Variants in TMEM39A observed in about 807,000 individuals in gnomAD.
TMEM39A encodes transmembrane protein 39A.
Under a neutral mutation model 51.9 loss-of-function variants are expected in TMEM39A, and 19 were observed. That is an observed-to-expected ratio of 0.37 (90% CI 0.26 to 0.54). The LOEUF (loss-of-function observed/expected upper bound fraction) is 0.54, where lower values mean the gene tolerates loss of function less well. Ranked by LOEUF, TMEM39A falls within the 20% of genes least tolerant of loss-of-function variation. The pLI is 0.88. For synonymous variants in TMEM39A, 197 were observed against 220.2 expected, an observed-to-expected ratio of 0.89 and a Z score of 0.93; for missense variants, 433 against 590.5, an observed-to-expected ratio of 0.73 and a Z score of 2.76.
intron 7 of TMEM39A, chr3:119,436,566 G>A (rs1259083020): frequency 6.5e-6 from 3 of 464,758 alleles, no homozygotes; most frequent in Non-Finnish European, 1.2e-5. Flanking sequence ...ACACACTAGA[G>A]TGACTGGGCA....
intron 7 of TMEM39A, 103 bp from the exon 8 acceptor site, chr3:119,434,985 G>C: frequency 6.8e-7 from 1 of 1,463,908 alleles, no homozygotes; most frequent in South Asian, 1.3e-5. Flanking sequence ...AATAATCAAG[G>C]CTTCATCTGC....
rs1456313040 is a variant in TMEM39A at position 119,432,035 on chromosome 3, T to C, written c.1413A>G (p.Val471=). The C allele has an allele frequency of 2.5e-5, 40 of 1,613,068 alleles. No homozygotes were observed. Among genetic ancestry groups the C allele is most frequent in the African/African-American group, 6.7e-5 (5 of 74,868 alleles). ...GTGGGTAGGAGTATGCCCTGCCTAA[T>C]ACTATTCTGTCCCGGAGAAGTTTAA... ...VLFKLLRDRI[V]LGRAYSYPLN... Residue 471 remains valine (V), a synonymous_variant, in exon 9 of 9, where the codon GTA becomes GTG. Transcript: ENST00000319172.
chr3:119,452,429 T>C lies in TMEM39A; in HGVS notation c.420+18A>G, dbSNP rs759643698. On this transcript the variant is annotated intron_variant, in intron 4 of 8. Transcript: ENST00000319172. ...AACTCTAGCTACATGTGATAGAATA[T>C]AGTCAATGAACTGTTACCTCTGAGA... The C allele has an allele frequency of 5.0e-6, 8 of 1,601,136 alleles. No homozygotes were observed. Among genetic ancestry groups the C allele is most frequent in the South Asian group, 4.4e-5 (4 of 90,634 alleles).
Position 119,436,810 on chromosome 3 carries a change from T to C in TMEM39A, c.1093A>G (p.Ser365Gly). ...KWQKLEHGSY[S>G]NAPQHIWSEN... ...ACTCACATGTGCTGTGGAGCATTGC[T>C]GTAGGACCCATGTTCCAACTTCTGC... The change falls in exon 7 of 9, where the codon AGC (serine) becomes GGC (glycine). Residue 365 changes from serine (S) to glycine (G), a missense_variant. Ser to Gly is a moderately conservative substitution (Grantham distance 56). Around this residue, in one of 3 missense-constraint regions of TMEM39A, gnomAD observed 223 missense variants for 328.1 expected, o/e 0.68. Transcript: ENST00000319172. The C allele has an allele frequency of 6.2e-7, 1 of 1,613,648 alleles. No homozygotes were observed. The highest frequency in any genetic ancestry group is 1.3e-5 in the African/African-American group (1 of 75,040).
chr3:119,461,058 C>T (rs954941026), intron 2 of TMEM39A, among the ~76,000 whole-genome samples: 2 of 152,080 alleles, frequency 1.3e-5, no homozygotes, highest in African/African-American at 4.8e-5. Flanking sequence ...TGCTATGATG[C>T]AAACAGTACC....
intron 5 of TMEM39A, among the ~76,000 whole-genome samples, chr3:119,442,954 T>C (rs35169866): frequency 0.15 from 22,002 of 151,036 alleles, 1,998 homozygotes; most frequent in Admixed American, 0.2. Flanking sequence ...TAGTCCCAGC[T>C]ACTTGAGAGG....
At chr3:119,452,319 C>A in intron 4 of TMEM39A, 128 bp downstream of exon 4, 1 of 583,474 alleles carries the variant, frequency 1.7e-6, no homozygotes, top group Non-Finnish European at 3.0e-6. Context: ...AAAGTACTGG[C>A]AGAACTCACA....
chr3:119,445,759 C>A (rs2081116901), intron 5 of TMEM39A, among the ~76,000 whole-genome samples: 1 of 152,200 alleles, frequency 6.6e-6, no homozygotes, highest in Non-Finnish European at 1.5e-5. Context: ...ATAAGTATTA[C>A]ACAGTTATAG....
At chr3:119,434,957 T>A (rs1365184347) in intron 7 of TMEM39A, 75 bp from the exon 8 acceptor site, 10 of 1,541,080 alleles carry the variant, frequency 6.5e-6, no homozygotes, top group Non-Finnish European at 8.8e-6. Flanking sequence ...GCCAGCTGTA[T>A]TTTTATGGAA....
At position 119,447,160 on chromosome 3, in the gene TMEM39A, C is replaced by T. The variant is rs1481189825; in HGVS notation, c.433G>A (p.Gly145Ser). The part of the protein sequence containing the change: ...WALISEATKA[G>S]AASMIHYMVL... ...ATGTAGTGAATCATTGATGCTGCACCTGCCTTAGTAGCCTGAAAGTTTGGA... is the reference window on the plus strand; with the variant it reads ...ATGTAGTGAATCATTGATGCTGCACTTGCCTTAGTAGCCTGAAAGTTTGGA... The change falls in exon 5 of 9, where the codon GGT (glycine) becomes AGT (serine). Residue 145 changes from glycine (G) to serine (S), a missense_variant. Coordinates refer to ENST00000319172, the MANE Select transcript of TMEM39A (RefSeq NM_018266.3). The T allele has an allele frequency of 2.5e-6, 4 of 1,611,196 alleles. No individual in the cohort carries two copies. Among genetic ancestry groups the T allele is most frequent in the Non-Finnish European group, 3.4e-6 (4 of 1,179,132 alleles).
intron 6 of TMEM39A, 123 bp downstream of exon 6, chr3:119,437,632 C>T (rs1056872441): frequency 7.9e-6 from 6 of 756,116 alleles, no homozygotes; most frequent in South Asian, 4.5e-5. Context: ...CAGATGCAGC[C>T]GAACTCCACC....
At chr3:119,450,603 C>T (rs556191851) in intron 4 of TMEM39A, among the ~76,000 whole-genome samples, 386 of 152,148 alleles carry the variant, frequency 2.5e-3, no homozygotes, top group Non-Finnish European at 4.3e-3. Context: ...GGGTGGATCA[C>T]TTTAGACCAG....
Position 119,457,932 on chromosome 3 carries a change from T to G in TMEM39A, c.336+86A>C, listed in dbSNP as rs368857867. On this transcript the variant is annotated intron_variant, in intron 3 of 8. Coordinates refer to ENST00000319172, the MANE Select transcript of TMEM39A (RefSeq NM_018266.3). ...AACATTTTATTAAAAGAAAAATTATTAAGAAAAACAATTTCTACAGAAAGG... is the reference window on the plus strand; with the variant it reads ...AACATTTTATTAAAAGAAAAATTATGAAGAAAAACAATTTCTACAGAAAGG... 7.8e-6 allele frequency: 8 copies of G among 1,021,548 alleles called. No individual in the cohort carries two copies. The African/African-American group carries it at 1.3e-4, about 17-fold the overall frequency. 63.3% of individuals were successfully genotyped at this position (1,021,548 alleles called of 1,614,324 possible).
Position 119,438,003 on chromosome 3 carries a change from C to G in TMEM39A, c.676G>C (p.Glu226Gln), listed in dbSNP as rs1220058310. The change falls in exon 6 of 9, where the codon GAA becomes CAA. Residue 226 changes from glutamate (E) to glutamine (Q), a missense_variant. Coordinates refer to ENST00000319172, the MANE Select transcript of TMEM39A (RefSeq NM_018266.3). ...NYVVQHEAVE[E>Q]SASTVGGLAK... ...AAGCCTCCCACAGTCGAGGCACTTTCCTCTACTGCCTCGTGCTGAACCACA... is the reference window on the plus strand; with the variant it reads ...AAGCCTCCCACAGTCGAGGCACTTTGCTCTACTGCCTCGTGCTGAACCACA... 6.2e-7 allele frequency: 1 copy of G among 1,614,058 alleles called. No individual in the cohort carries two copies. Among genetic ancestry groups the G allele is most frequent in the African/African-American group, 1.3e-5 (1 of 74,940 alleles).
At chr3:119,435,096 A>C (rs2080950901) in intron 7 of TMEM39A, 1 of 984,552 alleles carries the variant, frequency 1.0e-6, no homozygotes, top group Non-Finnish European at 1.2e-6. Context: ...AGAGGTTGCA[A>C]AGAAATATAG....
chr3:119,447,186 A>G lies in TMEM39A; in HGVS notation c.421-14T>C, dbSNP rs757494660. On this transcript the variant is annotated splice_polypyrimidine_tract_variant and intron_variant, in intron 4 of 8. Transcript: ENST00000319172. ...TGCCTTAGTAGCCTGAAAGTTTGGA[A>G]GCACCAAAATGAACATTTTGTAAAT... 2.5e-6 allele frequency: 4 copies of G among 1,605,222 alleles called. No individual in the cohort carries two copies. The highest frequency in any genetic ancestry group is 2.5e-6 in the Non-Finnish European group (3 of 1,176,630).
chr3:119,434,634 A>C, intron 8 of TMEM39A, 128 bp downstream of exon 8: 2 of 1,347,136 alleles, frequency 1.5e-6, no homozygotes, highest in Non-Finnish European at 2.0e-6. Context: ...CTGTTACGCT[A>C]GTAGCAATAA....
Position 119,428,976 on chromosome 3 carries a change from C to T in TMEM39A, c.*3005G>A, listed in dbSNP as rs1226107468. 6.6e-6 allele frequency among the ~76,000 whole-genome samples: 1 copy of T among 152,118 alleles called. No homozygotes were observed. Among genetic ancestry groups the T allele is most frequent in the East Asian group, 1.9e-4 (1 of 5,196 alleles). ...ATTTGAAGTACTTATGAAAAGAGCA[C>T]TTTATTGGGCTTCACACTCAAGATT... On this transcript the variant is annotated 3_prime_UTR_variant, in exon 9 of 9. Transcript: ENST00000319172.
chr3:119,432,281 T>C (rs1303901945), intron 8 of TMEM39A, 67 bp from the exon 9 acceptor site: 10 of 1,132,698 alleles, frequency 8.8e-6, no homozygotes, highest in Admixed American at 5.5e-5. Context: ...TATTCTTGCA[T>C]TGATTTTTCT....
Sources: allele counts gnomAD v4.1 joint callset (sites outside exome capture counted in the v4.1 genomes callset), GRCh38; gene constraint gnomAD v4.1.1; regional missense constraint gnomAD v4.1.1; transcripts MANE v1.5; gene names NCBI Gene and HGNC (gene_info 2026-07-23, HGNC 2026-07-21).